EPB41L4B: variants seen among roughly 807,000 people sequenced by gnomAD.
EPB41L4B encodes band 4.1-like protein 4B.
Under a neutral mutation model 112.5 loss-of-function variants are expected in EPB41L4B, and 30 were observed. That is an observed-to-expected ratio of 0.27 (90% CI 0.20 to 0.36). The LOEUF is 0.36. EPB41L4B is among the 10% of genes least tolerant of loss of function. EPB41L4B has a pLI of 1.00. For missense variants in EPB41L4B, 1,024 were observed against 1,133.3 expected (o/e 0.90, Z 1.38); for synonymous variants, 408 against 439.7 (o/e 0.93, Z 0.90).
intron 2 of EPB41L4B, among the ~76,000 whole-genome samples, chr9:109,270,535 T>C (rs1045038276): frequency 6.6e-6 from 1 of 152,222 alleles, no homozygotes; most frequent in Admixed American, 6.5e-5. Context: ...AGGGGGCTGA[T>C]ACAGACTTGA....
intron 24 of EPB41L4B, among the ~76,000 whole-genome samples, chr9:109,178,675 C>G (rs1227867376): frequency 1.3e-5 from 2 of 152,068 alleles, no homozygotes; most frequent in Non-Finnish European, 2.9e-5. Flanking sequence ...CTCCTGATCT[C>G]AGGTAATCCA....
chr9:109,177,527 T>C (rs1015496027), intron 24 of EPB41L4B, among the ~76,000 whole-genome samples: 6 of 152,144 alleles, frequency 3.9e-5, no homozygotes, highest in Non-Finnish European at 7.4e-5. Flanking sequence ...AGAAGATATA[T>C]AAAAGTAGAT....
chr9:109,224,293 T>A (rs992990464), intron 15 of EPB41L4B, among the ~76,000 whole-genome samples: 1 of 151,972 alleles, frequency 6.6e-6, no homozygotes, highest in African/African-American at 2.4e-5. Context: ...ACCCCAAATA[T>A]CCATCAACTG....
At chr9:109,317,099 A>G (rs1300331166) in intron 1 of EPB41L4B, among the ~76,000 whole-genome samples, 1 of 152,152 alleles carries the variant, frequency 6.6e-6, no homozygotes, top group Non-Finnish European at 1.5e-5. Context: ...ATGAGACCCC[A>G]TATCCAAAAA....
intron 15 of EPB41L4B, among the ~76,000 whole-genome samples, chr9:109,219,422 G>A (rs551909419): frequency 3.3e-5 from 5 of 152,162 alleles, no homozygotes; most frequent in South Asian, 2.1e-4. Flanking sequence ...GTGCAGTGGC[G>A]CGATCTCAGC....
chr9:109,231,532 C>T (rs760948103), intron 15 of EPB41L4B, among the ~76,000 whole-genome samples: 1 of 152,176 alleles, frequency 6.6e-6, no homozygotes, highest in East Asian at 1.9e-4. Flanking sequence ...CTACTTGTTC[C>T]TAACTACATT....
At chr9:109,184,998 A>G (rs1425307877) in intron 23 of EPB41L4B, among the ~76,000 whole-genome samples, 1 of 152,258 alleles carries the variant, frequency 6.6e-6, no homozygotes, top group Non-Finnish European at 1.5e-5. Flanking sequence ...AAAATTATGA[A>G]TGATATGAAT....
chr9:109,301,884 C>A (rs1437937875), intron 1 of EPB41L4B, among the ~76,000 whole-genome samples: 1 of 152,224 alleles, frequency 6.6e-6, no homozygotes, highest in East Asian at 1.9e-4. Context: ...GCGTGGGAGA[C>A]TGAGCAAGAC....
rs75357420 is a variant in EPB41L4B, at chr9:109,287,428, T to A, written c.307-7507A>T. On this transcript the variant is annotated intron_variant, in intron 1 of 25. Coordinates refer to ENST00000374566, the MANE Select transcript of EPB41L4B (RefSeq NM_019114.5). ...AAACCAACCCATCAAATCTCATTAG[T>A]CTCAATAGCATAAGATGCCAGCCAT... 1.2e-4 allele frequency among the ~76,000 whole-genome samples: 18 copies of A among 152,268 alleles called. No individual in the cohort carries two copies. The East Asian group carries it at 3.5e-3, about 29-fold the overall frequency.
At chr9:109,233,077 CCATT>C (rs1382993510) in intron 15 of EPB41L4B, among the ~76,000 whole-genome samples, 1 of 152,136 alleles carries the variant, frequency 6.6e-6, no homozygotes, top group Non-Finnish European at 1.5e-5. Context: ...AAACCATTCA[CCATT>C]CAGTAGGGGA....
At chr9:109,179,837 GCT>G (rs1344831344) in intron 24 of EPB41L4B, among the ~76,000 whole-genome samples, 1 of 152,106 alleles carries the variant, frequency 6.6e-6, no homozygotes, top group Non-Finnish European at 1.5e-5. Flanking sequence ...CAAGCTTTCT[GCT>G]CTCTCTCCCT....
chr9:109,223,242 C>T (rs977591999), intron 15 of EPB41L4B, among the ~76,000 whole-genome samples: 3 of 151,916 alleles, frequency 2.0e-5, no homozygotes, highest in African/African-American at 7.3e-5. Flanking sequence ...GAGTTCGAGA[C>T]CGGGCAACAT....
At chr9:109,174,912 G>GTTTT (rs35440007) in intron 25 of EPB41L4B, among the ~76,000 whole-genome samples, 11 of 74,546 alleles carry the variant, frequency 1.5e-4, no homozygotes, top group South Asian at 4.8e-4. Flanking sequence ...TCAGTAAAGT[G>GTTTT]TTTTTTTTTT....
chr9:109,253,276 G>A (rs1269183232), intron 12 of EPB41L4B, among the ~76,000 whole-genome samples, 165 bp downstream of exon 12: 1 of 152,206 alleles, frequency 6.6e-6, no homozygotes, highest in Non-Finnish European at 1.5e-5. Flanking sequence ...GATGGCGGAA[G>A]TGGCCAGGTC....
chr9:109,181,239 C>T (rs1204570575), intron 24 of EPB41L4B, among the ~76,000 whole-genome samples: 2 of 151,854 alleles, frequency 1.3e-5, no homozygotes, highest in African/African-American at 2.4e-5. Context: ...TGGTCTCAAG[C>T]GATCCTCCCA....
rs1564278999 is a variant in EPB41L4B at position 109,226,670 on chromosome 9, T to TATATATATATGAAGAATATATATATGA, written c.1410-9552_1410-9526dup. On this transcript the variant is annotated intron_variant, in intron 15 of 25. Transcript: ENST00000374566. ...ATATGAAGAATATATATATGAAGAATATATATATATGAAGAATATATATAT... is the reference window on the plus strand; with the variant it reads ...ATATGAAGAATATATATATGAAGAATATATATATATGAAGAATATATATATGAATATATATATGAAGAATATATATAT... Among the ~76,000 whole-genome samples the TATATATATATGAAGAATATATATATGA allele has an allele frequency of 3.3e-3, 113 of 34,050 alleles. No individual in the cohort carries two copies. In the East Asian group the frequency reaches 0.051, roughly 15 times the overall value. 22.3% of individuals were successfully genotyped at this position (34,050 alleles called of 152,430 possible).
intron 15 of EPB41L4B, chr9:109,241,035 T>C: frequency 1.0e-6 from 1 of 985,226 alleles, no homozygotes; most frequent in Non-Finnish European, 1.2e-6. Context: ...ATATACTTTA[T>C]TTAGCTTCTG....
At chr9:109,215,517 G>A (rs1833330828) in intron 16 of EPB41L4B, among the ~76,000 whole-genome samples, 1 of 152,030 alleles carries the variant, frequency 6.6e-6, no homozygotes, top group Admixed American at 6.6e-5. Flanking sequence ...TGACCTAGGC[G>A]ATCCACCCAT....
chr9:109,197,966 A>G (rs1172503514), intron 20 of EPB41L4B, among the ~76,000 whole-genome samples: 1 of 152,218 alleles, frequency 6.6e-6, no homozygotes, highest in Non-Finnish European at 1.5e-5. Context: ...TTCAAAATGT[A>G]AAAGGAATGG....
Sources: gnomAD v4.1 joint callset for allele counts (sites outside exome capture counted in the v4.1 genomes callset) on GRCh38, gnomAD v4.1.1 for gene constraint, MANE v1.5 for transcripts, NCBI Gene and HGNC (gene_info 2026-07-23, HGNC 2026-07-21) for gene names.